Variants in TTF2 observed in about 807,000 individuals in gnomAD.
TTF2 encodes the protein transcription termination factor 2, also known as RNA polymerase II termination factor.
TTF2 carries 108 observed loss-of-function variants against 142.4 expected under a neutral mutation model. That is an observed-to-expected ratio of 0.76 (90% CI 0.65 to 0.89). The LOEUF (loss-of-function observed/expected upper bound fraction) is 0.89, where lower values mean the gene tolerates loss of function less well. Ranked by LOEUF, TTF2 falls within the 40% of genes least tolerant of loss-of-function variation. TTF2 has a pLI of 0.00. For missense variants in TTF2, 1,327 were observed against 1,379.8 expected (o/e 0.96, Z 0.61); for synonymous variants, 483 against 506.2 (o/e 0.95, Z 0.61).
chr1:117,065,302 T>C lies in TTF2; in HGVS notation c.218+2829T>C, dbSNP rs182450094. 1.3e-4 allele frequency among the ~76,000 whole-genome samples: 20 copies of C among 152,354 alleles called. No homozygotes were observed. The East Asian group carries it at 2.1e-3, about 16-fold the overall frequency. On this transcript the variant is annotated intron_variant, in intron 3 of 22. Coordinates refer to ENST00000369466, the MANE Select transcript of TTF2 (RefSeq NM_003594.4). Reference sequence around the variant, plus strand: ...TGAGGCTTCCAATCCATGAATGTAGTGCATTTATTTATGACTTTAAAAATG... The same window carrying C: ...TGAGGCTTCCAATCCATGAATGTAGCGCATTTATTTATGACTTTAAAAATG...
Position 117,097,663 on chromosome 1 carries a change from CGTTATTGT to C in TTF2, c.3269+231_3269+238del, listed in dbSNP as rs1649271778. Among the ~76,000 whole-genome samples the C allele has an allele frequency of 6.6e-6, 1 of 152,170 alleles. No individual in the cohort carries two copies. Among genetic ancestry groups the C allele is most frequent in the Non-Finnish European group, 1.5e-5 (1 of 68,030 alleles). On this transcript the variant is annotated intron_variant, in intron 21 of 22. Coordinates refer to ENST00000369466, the MANE Select transcript of TTF2 (RefSeq NM_003594.4). The surrounding 1 kb of genome is among the most constrained non-coding windows in gnomAD (Gnocchi z 4.1). The stretch of plus-strand genomic sequence containing the variant: ...ATGACTACTCAAAATAGTTCATTCA[CGTTATTGT>C]TAGTCTAACATCTGTTTCCATGGAA...
Position 117,107,229 on chromosome 1 carries a change from CT to C in TTF2, c.*5706del, listed in dbSNP as rs1325409099. On this transcript the variant is annotated 3_prime_UTR_variant, in exon 23 of 23. Transcript: ENST00000369466. ...TCAGTTAAATTGAGTTTGGACTCCA[CT>C]GTAGTGCATGCATGAGACAGCACCC... 3 of 152,218 alleles carry C rather than the reference CT, an allele frequency of 2.0e-5. No individual in the cohort carries two copies. Among genetic ancestry groups the C allele is most frequent in the African/African-American group, 4.8e-5 (2 of 41,450 alleles). The allele number at this position is 152,218 out of a possible 1,614,324, so 9.4% of individuals were successfully genotyped here.
In TTF2 at chr1:117,097,377, A is replaced by C; in HGVS notation, c.3213A>C (p.Gly1071=). 6.2e-7 allele frequency: 1 copy of C among 1,614,098 alleles called. No homozygotes were observed. The highest frequency in any genetic ancestry group is 1.1e-5 in the South Asian group (1 of 91,078). The change falls in exon 21 of 23, where the codon GGA becomes GGC. Residue 1071 remains glycine (G), a synonymous_variant. Transcript: ENST00000369466. The surrounding 1 kb of genome is among the most constrained non-coding windows in gnomAD (Gnocchi z 4.1). Reference sequence around the variant, plus strand: ...TAATGCTAATCTCTCTCTTGGCCGGAGGTGTTGGTCTAAACCTGACTGGAG... The same window carrying C: ...TAATGCTAATCTCTCTCTTGGCCGGCGGTGTTGGTCTAAACCTGACTGGAG... ...PQVMLISLLA[G]GVGLNLTGGN...
rs1024237004 is a variant in TTF2, at chr1:117,106,573, T to C, written c.*5049T>C. The C allele has an allele frequency of 6.6e-6, 1 of 152,208 alleles. No homozygotes were observed. The highest frequency in any genetic ancestry group is 1.5e-5 in the Non-Finnish European group (1 of 68,036). The allele number at this position is 152,208 out of a possible 1,614,324, so 9.4% of individuals were successfully genotyped here. A position where few individuals can be genotyped will look rare whatever the true frequency, so the allele number is the denominator to read the frequency against. ...TATCCTGTCCTCCTGAGGCTTAGCA[T>C]CTAAGGGAGACAGGCATTAGTCAAC... is the stretch of plus-strand genomic sequence containing the variant. On this transcript the variant is annotated 3_prime_UTR_variant, in exon 23 of 23. Coordinates refer to ENST00000369466, the MANE Select transcript of TTF2 (RefSeq NM_003594.4).
At chr1:117,077,699 A>C (rs1657127442) in intron 7 of TTF2, among the ~76,000 whole-genome samples, 1 of 151,834 alleles carries the variant, frequency 6.6e-6, no homozygotes, top group Non-Finnish European at 1.5e-5. Context: ...ACTGATCAGG[A>C]GATAGGAGCT....
chr1:117,074,751 A>G, intron 4 of TTF2, 119 bp from the exon 5 acceptor site: 1 of 971,614 alleles, frequency 1.0e-6, no homozygotes, highest in Non-Finnish European at 1.5e-6. Context: ...ATACTCATAT[A>G]ACAAAGCTGC....
intron 3 of TTF2, among the ~76,000 whole-genome samples, chr1:117,069,667 A>G (rs1656426192): frequency 1.3e-5 from 2 of 152,244 alleles, no homozygotes; most frequent in South Asian, 4.1e-4. Context: ...CAGTCAATTA[A>G]GGTGTCTGAT....
chr1:117,068,096 C>A (rs1038935316), intron 3 of TTF2, among the ~76,000 whole-genome samples: 4 of 152,136 alleles, frequency 2.6e-5, no homozygotes, highest in African/African-American at 7.2e-5. Flanking sequence ...TGTGGTACAC[C>A]CTGGTATACA....
At position 117,100,637 on chromosome 1, in the gene TTF2, C is replaced by T. The variant is rs186577954; in HGVS notation, c.3345-743C>T. On this transcript the variant is annotated intron_variant, in intron 22 of 22. Transcript: ENST00000369466. The surrounding 1 kb of genome is among the most constrained non-coding windows in gnomAD (Gnocchi z 4.6). The stretch of plus-strand genomic sequence containing the variant: ...TCTGAAACTCAGCCATGGTTTTGCA[C>T]GTGTTCCCATTCCCTGGGGTGCTCT... Among the ~76,000 whole-genome samples the T allele has an allele frequency of 2.3e-4, 35 of 152,348 alleles. No individual in the cohort carries two copies. The East Asian group carries it at 6.0e-3, about 26-fold the overall frequency.
chr1:117,096,057 C>T, intron 19 of TTF2, 92 bp from the exon 20 acceptor site: 2 of 1,446,700 alleles, frequency 1.4e-6, no homozygotes, highest in Non-Finnish European at 1.9e-6. Flanking sequence ...CATTTGATAG[C>T]TAACCTTAAG....
At chr1:117,071,125 G>A (rs1407334812) in intron 3 of TTF2, among the ~76,000 whole-genome samples, 4 of 151,902 alleles carry the variant, frequency 2.6e-5, no homozygotes, top group Non-Finnish European at 5.9e-5. Context: ...AAGAAGAACA[G>A]CACAAATACA....
chr1:117,104,512 A>C lies in TTF2; in HGVS notation c.*2988A>C, dbSNP rs1192348192. ...TCAGATATTGAGGCCATTGACAAGT[A>C]ATCTACTGTAAGGTAGATGCCTCCT... On this transcript the variant is annotated 3_prime_UTR_variant, in exon 23 of 23. Transcript: ENST00000369466. 1.3e-5 allele frequency: 2 copies of C among 152,214 alleles called. No homozygotes were observed. The highest frequency in any genetic ancestry group is 4.8e-5 in the African/African-American group (2 of 41,452). 9.4% of individuals were successfully genotyped at this position (152,214 alleles called of 1,614,324 possible).
Position 117,075,085 on chromosome 1 carries a change from A to G in TTF2, c.501A>G (p.Lys167=). ...EKGDQLFDQK[K]EQKPEMMEKD... ...GAGATCAGCTTTTCGATCAAAAGAA[A>G]GAACAGAAGCCTGAAATGATGGAGA... The change falls in exon 5 of 23, where the codon AAA becomes AAG. Residue 167 remains lysine (K), a synonymous_variant. Coordinates refer to ENST00000369466, the MANE Select transcript of TTF2 (RefSeq NM_003594.4). This position sits in a 1 kb window ranked among gnomAD's most constrained non-coding sequence, Gnocchi z 4.5. 1 of 1,614,116 alleles carries G rather than the reference A, an allele frequency of 6.2e-7. No individual in the cohort carries two copies. Among genetic ancestry groups the G allele is most frequent in the Non-Finnish European group, 8.5e-7 (1 of 1,180,002 alleles).
intron 3 of TTF2, among the ~76,000 whole-genome samples, chr1:117,064,830 T>C (rs951769554): frequency 6.0e-5 from 9 of 149,818 alleles, no homozygotes; most frequent in East Asian, 5.8e-4. Context: ...GTTTTTTTTT[T>C]TTCTTCTTCT....
rs1655878659 is a variant in TTF2, at chr1:117,063,875, C to G, written c.218+1402C>G. 6.6e-6 allele frequency among the ~76,000 whole-genome samples: 1 copy of G among 152,072 alleles called. No individual in the cohort carries two copies. Among genetic ancestry groups the G allele is most frequent in the Admixed American group, 6.6e-5 (1 of 15,264 alleles). On this transcript the variant is annotated intron_variant, in intron 3 of 22. Transcript: ENST00000369466. The surrounding 1 kb of genome is among the most constrained non-coding windows in gnomAD (Gnocchi z 4.1). ...ATTGGTAAAGGTAGTTTTACTTGAA[C>G]TAATTTATGTGTGTGTGTATATTCT...
At chr1:117,089,948 T>C in intron 13 of TTF2, 107 bp from the exon 14 acceptor site, 1 of 1,286,100 alleles carries the variant, frequency 7.8e-7, no homozygotes, top group Admixed American at 2.3e-5. Flanking sequence ...GGATGACAGG[T>C]GTAACAGAAA....
At chr1:117,089,168 A>G (rs556690761) in intron 13 of TTF2, among the ~76,000 whole-genome samples, 186 bp downstream of exon 13, 11 of 152,034 alleles carry the variant, frequency 7.2e-5, no homozygotes, top group Non-Finnish European at 1.6e-4. Context: ...TGGTTGATAT[A>G]GGACTTTGAT....
rs1307983428 is a variant in TTF2 at position 117,078,130 on chromosome 1, T to TA, written c.1701+88dup. 4 of 1,522,042 alleles carry TA rather than the reference T, an allele frequency of 2.6e-6. No individual in the cohort carries two copies. In the Admixed American group the frequency reaches 5.8e-5, roughly 22 times the overall value. 94.3% of individuals were successfully genotyped at this position (1,522,042 alleles called of 1,614,324 possible). On this transcript the variant is annotated intron_variant, in intron 8 of 22. Coordinates refer to ENST00000369466, the MANE Select transcript of TTF2 (RefSeq NM_003594.4). ...CTGCTGGCAGAGAGACTTTCTGAGA[T>TA]ACCTTTCCTACAGACAGATGCTTAA...
rs562561412 is a variant in TTF2, at chr1:117,100,412, C to T, written c.3345-968C>T. Reference sequence around the variant, plus strand: ...TGAATCCTGTTCTCTCCATCACCACCGAAGGGCTCTTCCTAGCTAATCCAT... The same window carrying T: ...TGAATCCTGTTCTCTCCATCACCACTGAAGGGCTCTTCCTAGCTAATCCAT... On this transcript the variant is annotated intron_variant, in intron 22 of 22. Transcript: ENST00000369466. This position sits in a 1 kb window ranked among gnomAD's most constrained non-coding sequence, Gnocchi z 4.6. Among the ~76,000 whole-genome samples, 8 of 152,294 alleles carry T rather than the reference C, an allele frequency of 5.3e-5. No individual in the cohort carries two copies. The South Asian group carries it at 8.3e-4, about 16-fold the overall frequency.
Sources: allele counts gnomAD v4.1 joint callset (sites outside exome capture counted in the v4.1 genomes callset), GRCh38; gene constraint gnomAD v4.1.1; non-coding constraint Gnocchi (gnomAD v3.1); transcripts MANE v1.5; gene names NCBI Gene and HGNC (gene_info 2026-07-23, HGNC 2026-07-21).